Variants in ST18 observed in about 807,000 individuals in gnomAD.
ST18 encodes suppression of tumorigenicity 18 protein.
ST18 carries 50 observed loss-of-function variants against 110.0 expected under a neutral mutation model. That is an observed-to-expected ratio of 0.45 (90% CI 0.36 to 0.58). The LOEUF is 0.58. ST18 is among the 20% of genes least tolerant of loss of function. ST18 has a pLI of 0.00. For synonymous variants in ST18, 461 were observed against 452.4 expected, an observed-to-expected ratio of 1.02 and a Z score of -0.24; for missense variants, 1,306 against 1,280.1, an observed-to-expected ratio of 1.02 and a Z score of -0.31.
At chr8:52,205,725 C>T (rs548143518) in intron 8 of ST18, among the ~76,000 whole-genome samples, 2 of 152,058 alleles carry the variant, frequency 1.3e-5, no homozygotes, top group Admixed American at 6.6e-5. Context: ...GTGCCACCAC[C>T]CCTGGCTAAT....
intron 13 of ST18, among the ~76,000 whole-genome samples, chr8:52,161,938 G>C (rs535067577): frequency 6.6e-6 from 1 of 152,200 alleles, no homozygotes; most frequent in African/African-American, 2.4e-5. Flanking sequence ...AGGTGGGTGC[G>C]GTGGCTTACG....
intron 8 of ST18, among the ~76,000 whole-genome samples, chr8:52,194,181 C>A (rs1316620691): frequency 1.3e-5 from 2 of 152,012 alleles, no homozygotes; most frequent in Non-Finnish European, 2.9e-5. Context: ...TTAAAAGATA[C>A]AATTTAATAA....
chr8:52,145,159 C>T (rs2056820876), intron 16 of ST18, among the ~76,000 whole-genome samples: 1 of 151,506 alleles, frequency 6.6e-6, no homozygotes, highest in Non-Finnish European at 1.5e-5. Context: ...TGTATATTTA[C>T]AGATTACCAC....
intron 2 of ST18, among the ~76,000 whole-genome samples, chr8:52,258,144 C>A (rs923172317): frequency 6.6e-6 from 1 of 152,116 alleles, no homozygotes; most frequent in Non-Finnish European, 1.5e-5. Flanking sequence ...ACATATTTAT[C>A]TTTATGCCAG....
intron 7 of ST18, 100 bp downstream of exon 7, chr8:52,214,103 G>T (rs1056928644): frequency 1.6e-6 from 2 of 1,286,720 alleles, no homozygotes; most frequent in Admixed American, 1.9e-5. Flanking sequence ...CCCTGAGGAA[G>T]TTGTAATCAT....
Position 52,233,416 on chromosome 8 carries a change from A to G in ST18, c.-464-3339T>C, listed in dbSNP as rs952293907. Among the ~76,000 whole-genome samples the G allele has an allele frequency of 3.8e-4, 58 of 152,128 alleles. 1 individual carries two copies. The highest frequency in any genetic ancestry group is 1.2e-4 in the Non-Finnish European group (8 of 68,014). On this transcript the variant is annotated intron_variant, in intron 2 of 25. Coordinates refer to ENST00000689386, the MANE Select transcript of ST18 (RefSeq NM_001352837.2). ...ATGAGCTTGACAAAAACTCCACCCTAGGAGTACAAACACCAGGGTGTGTAG... is the reference window on the plus strand; with the variant it reads ...ATGAGCTTGACAAAAACTCCACCCTGGGAGTACAAACACCAGGGTGTGTAG...
chr8:52,165,893 T>C lies in ST18; in HGVS notation c.1205-668A>G, dbSNP rs1047063804. 1.1e-4 allele frequency among the ~76,000 whole-genome samples: 16 copies of C among 152,214 alleles called. 1 individual carries two copies. In the East Asian group the frequency reaches 3.1e-3, roughly 29 times the overall value. ...ATAGGTAGGTTCACAAAGTGGAAGA[T>C]GTAACAGGTCGATATTGTACAATGT... is the stretch of plus-strand genomic sequence containing the variant. On this transcript the variant is annotated intron_variant, in intron 11 of 25. Transcript: ENST00000689386.
intron 2 of ST18, among the ~76,000 whole-genome samples, chr8:52,367,553 G>C (rs1334919001): frequency 6.6e-6 from 1 of 152,168 alleles, no homozygotes; most frequent in Non-Finnish European, 1.5e-5. Context: ...TTTTCTTTCT[G>C]GAAAATGTGT....
At chr8:52,203,810 C>T (rs965756306) in intron 8 of ST18, among the ~76,000 whole-genome samples, 3 of 152,122 alleles carry the variant, frequency 2.0e-5, no homozygotes, top group Non-Finnish European at 2.9e-5. Context: ...AGGGAGCCAA[C>T]GACCCGTGCA....
At chr8:52,384,515 A>T (rs951407756) in intron 2 of ST18, among the ~76,000 whole-genome samples, 1 of 152,012 alleles carries the variant, frequency 6.6e-6, no homozygotes, top group Non-Finnish European at 1.5e-5. Flanking sequence ...ACACACTCAT[A>T]CAAACACATA....
intron 8 of ST18, among the ~76,000 whole-genome samples, chr8:52,204,837 T>A (rs1157666955): frequency 1.3e-5 from 2 of 152,210 alleles, no homozygotes; most frequent in African/African-American, 4.8e-5. Flanking sequence ...CCTTAGACTC[T>A]CAGCTCCTGT....
chr8:52,357,994 A>G (rs1057327018), intron 2 of ST18, among the ~76,000 whole-genome samples: 1 of 151,698 alleles, frequency 6.6e-6, no homozygotes, highest in Non-Finnish European at 1.5e-5. Flanking sequence ...TTAAAATTAT[A>G]GAAAGTATTT....
intron 2 of ST18, among the ~76,000 whole-genome samples, chr8:52,399,528 T>C (rs1842233844): frequency 6.6e-6 from 1 of 151,986 alleles, no homozygotes; most frequent in African/African-American, 2.4e-5. Context: ...TGTTAGGCTA[T>C]TTATTTGGGA....
chr8:52,377,161 G>A (rs950129570), intron 2 of ST18, among the ~76,000 whole-genome samples: 1 of 152,156 alleles, frequency 6.6e-6, no homozygotes, highest in Non-Finnish European at 1.5e-5. Flanking sequence ...ATGTATTGCT[G>A]TAGACAACAT....
At chr8:52,153,241 C>G (rs1283240450) in intron 15 of ST18, among the ~76,000 whole-genome samples, 3 of 152,154 alleles carry the variant, frequency 2.0e-5, no homozygotes, top group African/African-American at 7.2e-5. Flanking sequence ...AACAAGAAAG[C>G]ACTGTTTTCC....
chr8:52,387,538 T>C (rs1314682665), intron 2 of ST18, among the ~76,000 whole-genome samples: 1 of 152,112 alleles, frequency 6.6e-6, no homozygotes, highest in African/African-American at 2.4e-5. Flanking sequence ...ACAGTGCTGT[T>C]TTTTATAGGT....
At chr8:52,384,456 CATACACACACACA>C (rs879513920) in intron 2 of ST18, among the ~76,000 whole-genome samples, 1 of 152,042 alleles carries the variant, frequency 6.6e-6, no homozygotes, top group Non-Finnish European at 1.5e-5. Context: ...TCATCCTCTC[CATACACACACACA>C]CAATTTCTCA....
At position 52,259,343 on chromosome 8, in the gene ST18, T is replaced by C. The variant is rs916101535; in HGVS notation, c.-464-29266A>G. Among the ~76,000 whole-genome samples the C allele has an allele frequency of 7.9e-5, 12 of 152,314 alleles. 1 individual carries two copies. The highest frequency in any genetic ancestry group is 5.8e-4 in the East Asian group (3 of 5,178). On this transcript the variant is annotated intron_variant, in intron 2 of 25. Transcript: ENST00000689386. ...AGGCAGCACACCTAAATTCCATCTG[T>C]TGCCTGGGATTAAACCAATCAACCG...
chr8:52,266,943 T>A (rs1481300896), intron 2 of ST18, among the ~76,000 whole-genome samples: 1 of 152,114 alleles, frequency 6.6e-6, no homozygotes, highest in African/African-American at 2.4e-5. Context: ...GGTGCAGAGC[T>A]GAGGGATCTC....
Sources: gnomAD v4.1 joint callset for allele counts (sites outside exome capture counted in the v4.1 genomes callset) on GRCh38, gnomAD v4.1.1 for gene constraint, MANE v1.5 for transcripts, NCBI Gene and HGNC (gene_info 2026-07-23, HGNC 2026-07-21) for gene names.